The following CFAP77 variants were observed in gnomAD, a reference collection of about 807,000 sequenced individuals.
CFAP77 encodes cilia and flagella associated protein 77, also known as cilia- and flagella-associated protein 77.
A neutral mutation model predicts 31.1 loss-of-function variants in CFAP77; 25 were observed. That is an observed-to-expected ratio of 0.80 (90% CI 0.59 to 1.12). The LOEUF (loss-of-function observed/expected upper bound fraction) is 1.12. CFAP77 is among the 50% of genes most tolerant of loss of function. The pLI, the probability that CFAP77 is intolerant of heterozygous loss-of-function variation, is 0.00. For missense variants in CFAP77, 377 were observed against 397.3 expected (o/e 0.95, Z 0.44); for synonymous variants, 151 against 159.9 (o/e 0.94, Z 0.42).
chr9:132,485,103 A>G (rs1851518243), intron 1 of CFAP77, among the ~76,000 whole-genome samples: 1 of 152,140 alleles, frequency 6.6e-6, no homozygotes, highest in Non-Finnish European at 1.5e-5. Context: ...CCTCATCTTT[A>G]ACTTTTTGAG....
rs1053271983 is a variant in CFAP77 at position 132,554,560 on chromosome 9, C to A, written c.732+11513C>A. ...CCATATTGCCTAGGCTGGTCTTGAACTCCTGGGCTCAAGAGATCTGCCCGC... is the reference window on the plus strand; with the variant it reads ...CCATATTGCCTAGGCTGGTCTTGAAATCCTGGGCTCAAGAGATCTGCCCGC... On this transcript the variant is annotated intron_variant, in intron 5 of 5. Coordinates refer to ENST00000393216, the MANE Select transcript of CFAP77 (RefSeq NM_001282957.2). This position sits in a 1 kb window ranked among gnomAD's most constrained non-coding sequence, Gnocchi z 4.1. Among the ~76,000 whole-genome samples the A allele has an allele frequency of 7.2e-5, 11 of 151,996 alleles. No homozygotes were observed. The highest frequency in any genetic ancestry group is 1.5e-4 in the Non-Finnish European group (10 of 67,944).
In CFAP77 at chr9:132,499,706, C is replaced by A; in HGVS notation, c.524+106C>A. On this transcript the variant is annotated intron_variant, in intron 3 of 5. Coordinates refer to ENST00000393216, the MANE Select transcript of CFAP77 (RefSeq NM_001282957.2). This position sits in a 1 kb window ranked among gnomAD's most constrained non-coding sequence, Gnocchi z 5.4. ...CAGGGAAGTGGAGCATCCTCCCAGCCCCACTGTCCTCTCTTCAATGACTCT... is the reference window on the plus strand; with the variant it reads ...CAGGGAAGTGGAGCATCCTCCCAGCACCACTGTCCTCTCTTCAATGACTCT... The A allele has an allele frequency of 1.0e-6, 1 of 952,516 alleles. No homozygotes were observed. Among genetic ancestry groups the A allele is most frequent in the Non-Finnish European group, 1.6e-6 (1 of 608,864 alleles). 59.0% of individuals were successfully genotyped at this position (952,516 alleles called of 1,614,324 possible). A position where few individuals can be genotyped will look rare whatever the true frequency, so the allele number is the denominator to read the frequency against.
intron 1 of CFAP77, among the ~76,000 whole-genome samples, chr9:132,471,019 TA>T (rs1201529315): frequency 2.0e-5 from 3 of 152,248 alleles, no homozygotes; most frequent in South Asian, 2.1e-4. Context: ...TGGATATGTT[TA>T]TTTTTTTTCC....
intron 1 of CFAP77, among the ~76,000 whole-genome samples, chr9:132,468,302 C>T (rs769031127): frequency 2.6e-5 from 4 of 152,234 alleles, no homozygotes; most frequent in Non-Finnish European, 2.9e-5. Flanking sequence ...GCCGAGGTTG[C>T]GCCACTGCCT....
At chr9:132,433,299 G>A (rs1850444955) in intron 1 of CFAP77, among the ~76,000 whole-genome samples, 1 of 152,232 alleles carries the variant, frequency 6.6e-6, no homozygotes, top group African/African-American at 2.4e-5. Flanking sequence ...TCTGAGGGCT[G>A]CTGGGTTTCT....
chr9:132,551,231 C>T (rs1852815544), intron 5 of CFAP77, among the ~76,000 whole-genome samples: 1 of 151,338 alleles, frequency 6.6e-6, no homozygotes, highest in Non-Finnish European at 1.5e-5. Flanking sequence ...GCAATGATAA[C>T]ATCAACAGCT....
chr9:132,545,440 T>C lies in CFAP77; in HGVS notation c.732+2393T>C, dbSNP rs1284421398. On this transcript the variant is annotated intron_variant, in intron 5 of 5. Transcript: ENST00000393216. This position sits in a 1 kb window ranked among gnomAD's most constrained non-coding sequence, Gnocchi z 4.6. ...ATGACCTATCGGGCCATAAAACTCA[T>C]GAGAAAGAAAATCAACATGCAAGCC... 2.6e-5 allele frequency among the ~76,000 whole-genome samples: 4 copies of C among 151,792 alleles called. No individual in the cohort carries two copies. The highest frequency in any genetic ancestry group is 9.7e-5 in the African/African-American group (4 of 41,272).
intron 5 of CFAP77, among the ~76,000 whole-genome samples, chr9:132,566,021 C>T (rs928703842): frequency 6.6e-6 from 1 of 152,250 alleles, no homozygotes; most frequent in Non-Finnish European, 1.5e-5. Context: ...AGACAGACCG[C>T]AGATGGCTTA....
intron 1 of CFAP77, among the ~76,000 whole-genome samples, chr9:132,417,118 CTTTT>C (rs142153092): frequency 7.2e-6 from 1 of 139,226 alleles, no homozygotes; most frequent in Admixed American, 7.2e-5. Context: ...TTCTTTTTTT[CTTTT>C]TTTTTTTTTT....
intron 1 of CFAP77, among the ~76,000 whole-genome samples, chr9:132,469,838 A>ATTTTTTTTTTTTTTTT (rs763910119): frequency 7.8e-6 from 1 of 128,842 alleles, no homozygotes; most frequent in Non-Finnish European, 1.6e-5. Flanking sequence ...TTGCTCCGTG[A>ATTTTTTTTTTTTTTTT]TTTTTTTTTT....
At chr9:132,431,802 T>C (rs1425389810) in intron 1 of CFAP77, among the ~76,000 whole-genome samples, 1 of 152,202 alleles carries the variant, frequency 6.6e-6, no homozygotes, top group African/African-American at 2.4e-5. Context: ...CAAAGACATA[T>C]TAGGCTGGTG....
intron 3 of CFAP77, among the ~76,000 whole-genome samples, chr9:132,509,539 C>T (rs1267361708): frequency 6.6e-6 from 1 of 152,188 alleles, no homozygotes; most frequent in East Asian, 1.9e-4. Context: ...GAGGCCAAGG[C>T]AAGTAGATCA....
chr9:132,467,603 A>G (rs1851178177), intron 1 of CFAP77, among the ~76,000 whole-genome samples: 1 of 152,130 alleles, frequency 6.6e-6, no homozygotes, highest in Non-Finnish European at 1.5e-5. Context: ...CCATCGATGG[A>G]CACTTGGGTT....
intron 1 of CFAP77, among the ~76,000 whole-genome samples, chr9:132,462,021 C>T (rs1564212794): frequency 1.3e-5 from 2 of 152,192 alleles, no homozygotes; most frequent in South Asian, 4.1e-4. Flanking sequence ...CTAATATCTA[C>T]CTATTGAACA....
chr9:132,492,752 A>C (rs923060575), intron 1 of CFAP77, among the ~76,000 whole-genome samples: 1 of 152,326 alleles, frequency 6.6e-6, no homozygotes. Context: ...TGATGGGCAC[A>C]TGGGCAGGTG....
chr9:132,493,539 G>A (rs1169036669), intron 1 of CFAP77, among the ~76,000 whole-genome samples: 2 of 152,236 alleles, frequency 1.3e-5, no homozygotes, highest in Non-Finnish European at 2.9e-5. Context: ...ACACAGTCAT[G>A]GATGAATGGC....
chr9:132,463,376 G>A (rs1270463031), intron 1 of CFAP77, among the ~76,000 whole-genome samples: 4 of 152,158 alleles, frequency 2.6e-5, no homozygotes, highest in African/African-American at 9.7e-5. Flanking sequence ...GATGCTATCT[G>A]GGGGCAGAAG....
intron 3 of CFAP77, among the ~76,000 whole-genome samples, chr9:132,523,081 C>CTCCT (rs1554747533): frequency 2.0e-3 from 191 of 96,420 alleles, no homozygotes; most frequent in African/African-American, 7.5e-3. Context: ...AGGCTTCTTT[C>CTCCT]TTCTTTCTTT....
chr9:132,554,943 T>C lies in CFAP77; in HGVS notation c.732+11896T>C, dbSNP rs7848544. 0.041 allele frequency among the ~76,000 whole-genome samples: 2,557 copies of C among 63,056 alleles called. 43 individuals carry two copies. Among genetic ancestry groups the C allele is most frequent in the African/African-American group, 0.11 (1,327 of 12,460 alleles). 41.4% of individuals were successfully genotyped at this position (63,056 alleles called of 152,430 possible). A position where few individuals can be genotyped will look rare whatever the true frequency, so the allele number is the denominator to read the frequency against. ...ATGCATGCATCCATCCATCCACCCA[T>C]CCATCCATCCATCCATCCATCCATC... On this transcript the variant is annotated intron_variant, in intron 5 of 5. Transcript: ENST00000393216. This position sits in a 1 kb window ranked among gnomAD's most constrained non-coding sequence, Gnocchi z 4.1.
Sources: allele counts gnomAD v4.1 joint callset (sites outside exome capture counted in the v4.1 genomes callset), GRCh38; gene constraint gnomAD v4.1.1; non-coding constraint Gnocchi (gnomAD v3.1); transcripts MANE v1.5; gene names NCBI Gene and HGNC (gene_info 2026-07-23, HGNC 2026-07-21).